Variants in NELL2 observed in about 807,000 individuals in gnomAD.
The protein encoded by NELL2 is neural EGFL like 2.
In NELL2, 41 loss-of-function variants were observed where a neutral mutation model predicts 109.6. That is an observed-to-expected ratio of 0.37 (90% CI 0.29 to 0.49). The LOEUF (loss-of-function observed/expected upper bound fraction) is 0.49, where lower values mean the gene tolerates loss of function less well. Ranked by LOEUF, NELL2 falls within the 20% of genes least tolerant of loss-of-function variation. The probability of loss-of-function intolerance (pLI) is 0.98; values close to 1 mark genes in which losing one functional copy is unlikely to be tolerated. For synonymous variants in NELL2, 355 were observed against 344.7 expected, an observed-to-expected ratio of 1.03 and a Z score of -0.33; for missense variants, 900 against 1,008.3, an observed-to-expected ratio of 0.89 and a Z score of 1.45.
chr12:44,882,635 C>A (rs80049777), intron 1 of NELL2, among the ~76,000 whole-genome samples: 1,596 of 151,694 alleles, frequency 0.011, 31 homozygotes, highest in East Asian at 0.048. Context: ...TCGAGCAATT[C>A]TCCTGCCTCA....
intron 13 of NELL2, among the ~76,000 whole-genome samples, chr12:44,634,951 C>T (rs1183923202): frequency 3.9e-5 from 6 of 151,948 alleles, no homozygotes; most frequent in African/African-American, 1.4e-4. Flanking sequence ...AGAACATGAA[C>T]TCATCCTTTT....
intron 19 of NELL2, among the ~76,000 whole-genome samples, chr12:44,518,152 A>G (rs1197012839): frequency 6.6e-6 from 1 of 152,182 alleles, no homozygotes; most frequent in Non-Finnish European, 1.5e-5. Flanking sequence ...TGACTTTAAT[A>G]TCAAAATACA....
intron 9 of NELL2, among the ~76,000 whole-genome samples, chr12:44,771,002 A>C (rs1022562307): frequency 2.8e-4 from 43 of 151,916 alleles, no homozygotes; most frequent in African/African-American, 9.9e-4. Flanking sequence ...TCAGTCAATT[A>C]TTTTCTGATA....
At chr12:44,756,477 C>A (rs1177718607) in intron 9 of NELL2, among the ~76,000 whole-genome samples, 2 of 152,058 alleles carry the variant, frequency 1.3e-5, no homozygotes, top group African/African-American at 4.8e-5. Context: ...CATTCACAGC[C>A]AAATGTATTG....
At chr12:44,607,854 G>A (rs1022099170) in intron 14 of NELL2, among the ~76,000 whole-genome samples, 5 of 152,086 alleles carry the variant, frequency 3.3e-5, no homozygotes, top group Non-Finnish European at 5.9e-5. Context: ...CCAGGATCAA[G>A]GGCCAAGACA....
In NELL2 at chr12:44,752,331, T is replaced by G. The variant is rs79697611; in HGVS notation, c.994+22416A>C. On this transcript the variant is annotated intron_variant, in intron 9 of 19. Coordinates refer to ENST00000429094, the MANE Select transcript of NELL2 (RefSeq NM_001145108.2). ...TACATTATCTAAAATAACTGTGCAG[T>G]ATTTCATAATTATCATAACACCATT... is the stretch of plus-strand genomic sequence containing the variant. Among the ~76,000 whole-genome samples, 1,498 of 152,356 alleles carry G rather than the reference T, an allele frequency of 9.8e-3. 25 individuals are homozygous for G. Among genetic ancestry groups the G allele is most frequent in the African/African-American group, 0.033 (1,377 of 41,582 alleles).
chr12:44,766,719 TAAG>T (rs1212673839), intron 9 of NELL2, among the ~76,000 whole-genome samples: 14 of 152,198 alleles, frequency 9.2e-5, no homozygotes, highest in Non-Finnish European at 2.1e-4. Context: ...CTTATGATAC[TAAG>T]AAGGAGGACT....
intron 2 of NELL2, among the ~76,000 whole-genome samples, chr12:44,854,130 A>AT (rs996957794): frequency 8.5e-5 from 13 of 152,120 alleles, no homozygotes; most frequent in Non-Finnish European, 1.9e-4. Flanking sequence ...CCTATTTGGC[A>AT]TTTTTTCTGG....
At chr12:44,763,170 G>A (rs1941195291) in intron 9 of NELL2, among the ~76,000 whole-genome samples, 1 of 152,164 alleles carries the variant, frequency 6.6e-6, no homozygotes, top group Admixed American at 6.5e-5. Flanking sequence ...CAAGTACAAT[G>A]TGCATCTTGT....
chr12:44,825,391 C>CTT (rs34266446), intron 2 of NELL2, among the ~76,000 whole-genome samples: 701 of 83,580 alleles, frequency 8.4e-3, no homozygotes, highest in Middle Eastern at 0.018. Flanking sequence ...TATTCATTTC[C>CTT]TTTTTTTTTT....
chr12:44,907,602 G>A (rs1945733767), intron 1 of NELL2, among the ~76,000 whole-genome samples: 1 of 152,094 alleles, frequency 6.6e-6, no homozygotes, highest in Non-Finnish European at 1.5e-5. Context: ...TGAAATTAGA[G>A]ACAGTAAAGT....
intron 13 of NELL2, among the ~76,000 whole-genome samples, chr12:44,638,231 G>A (rs1378101951): frequency 6.6e-6 from 1 of 151,962 alleles, no homozygotes; most frequent in Admixed American, 6.6e-5. Context: ...ATTCTGTTCC[G>A]ACCAGACGCA....
intron 15 of NELL2, among the ~76,000 whole-genome samples, chr12:44,548,111 T>G (rs1376994): frequency 0.85 from 129,443 of 152,154 alleles, 55,496 homozygotes; most frequent in East Asian, 1. Flanking sequence ...TACACATTAG[T>G]CCTCAATAAA....
At chr12:44,696,897 A>G (rs1409193840) in intron 12 of NELL2, among the ~76,000 whole-genome samples, 1 of 152,248 alleles carries the variant, frequency 6.6e-6, no homozygotes, top group Non-Finnish European at 1.5e-5. Flanking sequence ...GGAAGTATAC[A>G]CAGATACATA....
chr12:44,813,429 T>A (rs1445844440), intron 3 of NELL2, among the ~76,000 whole-genome samples: 1 of 152,166 alleles, frequency 6.6e-6, no homozygotes, highest in African/African-American at 2.4e-5. Context: ...CCTAGATAAA[T>A]TCATAGACAT....
At chr12:44,888,872 T>G (rs935496956) in intron 1 of NELL2, among the ~76,000 whole-genome samples, 2 of 151,856 alleles carry the variant, frequency 1.3e-5, no homozygotes, top group African/African-American at 4.8e-5. Context: ...ATAAGAGAAG[T>G]ATTGCTTCAA....
At chr12:44,707,177 TAG>T (rs1328732232) in intron 11 of NELL2, among the ~76,000 whole-genome samples, 2 of 152,146 alleles carry the variant, frequency 1.3e-5, no homozygotes, top group Non-Finnish European at 2.9e-5. Flanking sequence ...CTCCACAGGA[TAG>T]AGTCACACCA....
At chr12:44,565,834 A>G (rs1394244427) in intron 15 of NELL2, among the ~76,000 whole-genome samples, 2 of 152,188 alleles carry the variant, frequency 1.3e-5, no homozygotes, top group Non-Finnish European at 2.9e-5. Context: ...GTGGGGAAGG[A>G]ATGGGAAACG....
At chr12:44,606,001 C>G (rs1945388071) in intron 15 of NELL2, among the ~76,000 whole-genome samples, 1 of 152,244 alleles carries the variant, frequency 6.6e-6, no homozygotes, top group Middle Eastern at 3.4e-3. Context: ...CTCTCATGCA[C>G]AATAAATTTA....
Sources: allele counts gnomAD v4.1 joint callset (sites outside exome capture counted in the v4.1 genomes callset), GRCh38; gene constraint gnomAD v4.1.1; transcripts MANE v1.5; gene names NCBI Gene and HGNC (gene_info 2026-07-23, HGNC 2026-07-21).